Variants in MAPKAP1 observed in about 807,000 individuals in gnomAD.
MAPKAP1 encodes the protein MAPK associated protein 1, also known as target of rapamycin complex 2 subunit MAPKAP1.
MAPKAP1 carries 20 observed loss-of-function variants against 65.7 expected under a neutral mutation model. The observed-to-expected ratio is 0.30, with a 90% confidence interval of 0.21 to 0.44. The LOEUF (loss-of-function observed/expected upper bound fraction) is 0.44, where lower values mean the gene tolerates loss of function less well. MAPKAP1 is among the 20% of genes least tolerant of loss of function. MAPKAP1 has a pLI of 1.00. For synonymous variants in MAPKAP1, 222 were observed against 244.3 expected (o/e 0.91, Z 0.85); for missense variants, 423 against 648.0 (o/e 0.65, Z 3.77).
intron 9 of MAPKAP1, among the ~76,000 whole-genome samples, chr9:125,478,686 G>C (rs979750324): frequency 6.6e-6 from 1 of 152,148 alleles, no homozygotes; most frequent in Non-Finnish European, 1.5e-5. Flanking sequence ...GACAGATTGG[G>C]TCTGGCGTAT....
chr9:125,595,736 G>T lies in MAPKAP1; in HGVS notation c.499-10009C>A. 6.7e-7 allele frequency: 1 copy of T among 1,482,946 alleles called. No individual in the cohort carries two copies. Among genetic ancestry groups the T allele is most frequent in the Non-Finnish European group, 9.2e-7 (1 of 1,081,082 alleles). 91.9% of individuals were successfully genotyped at this position (1,482,946 alleles called of 1,614,324 possible). A position where few individuals can be genotyped will look rare whatever the true frequency, so the allele number is the denominator to read the frequency against. On this transcript the variant is annotated intron_variant, in intron 4 of 11. Transcript: ENST00000265960. This position sits in a 1 kb window ranked among gnomAD's most constrained non-coding sequence, Gnocchi z 4.0. ...TCTCTTCATTGGAGGGTTGAGCTTTGAAACAACCAATGAGAGCAAGAGGAG... is the reference window on the plus strand; with the variant it reads ...TCTCTTCATTGGAGGGTTGAGCTTTTAAACAACCAATGAGAGCAAGAGGAG...
intron 3 of MAPKAP1, among the ~76,000 whole-genome samples, chr9:125,667,493 T>C (rs996325024): frequency 9.2e-5 from 14 of 152,324 alleles, no homozygotes; most frequent in Middle Eastern, 3.4e-3. Flanking sequence ...CTAATTTATA[T>C]TTTTAGTTGA....
intron 1 of MAPKAP1, among the ~76,000 whole-genome samples, chr9:125,706,195 G>C (rs925272502): frequency 1.3e-5 from 2 of 151,920 alleles, no homozygotes; most frequent in African/African-American, 4.8e-5. Flanking sequence ...TGCTCAAGTG[G>C]GTTTTAACAT....
intron 7 of MAPKAP1, among the ~76,000 whole-genome samples, chr9:125,538,085 C>A (rs1206588366): frequency 1.3e-5 from 2 of 152,120 alleles, no homozygotes; most frequent in African/African-American, 2.4e-5. Flanking sequence ...TGTCTCTTAT[C>A]CTCTTTGGGC....
intron 5 of MAPKAP1, among the ~76,000 whole-genome samples, chr9:125,564,018 G>A (rs1481506637): frequency 6.6e-6 from 1 of 152,144 alleles, no homozygotes; most frequent in East Asian, 1.9e-4. Flanking sequence ...ACCAGCAAAG[G>A]GTATTATTAG....
At chr9:125,678,535 C>T (rs1240819122) in intron 1 of MAPKAP1, among the ~76,000 whole-genome samples, 1 of 152,218 alleles carries the variant, frequency 6.6e-6, no homozygotes, top group African/African-American at 2.4e-5. Flanking sequence ...AGCCACCGCG[C>T]CCGGCCCAGG....
Position 125,541,940 on chromosome 9 carries a change from C to A in MAPKAP1, c.958+1119G>T, listed in dbSNP as rs1187151809. On this transcript the variant is annotated intron_variant, in intron 7 of 11. Transcript: ENST00000265960. ...GTCAGCTGGCAAAAGCCGAAACGTG[C>A]AGTTGGCACATCTGGACGGAGCCGC... Among the ~76,000 whole-genome samples the A allele has an allele frequency of 2.6e-5, 4 of 152,370 alleles. No individual in the cohort carries two copies. The East Asian group carries it at 5.8e-4, about 22-fold the overall frequency.
chr9:125,497,110 G>A (rs2133064432), intron 8 of MAPKAP1, among the ~76,000 whole-genome samples: 1 of 152,244 alleles, frequency 6.6e-6, no homozygotes, highest in South Asian at 2.1e-4. Flanking sequence ...CTCTCCTGGG[G>A]CCTCAGGGGG....
At chr9:125,578,018 A>T (rs932984983) in intron 5 of MAPKAP1, among the ~76,000 whole-genome samples, 13 of 152,038 alleles carry the variant, frequency 8.6e-5, no homozygotes, top group African/African-American at 2.7e-4. Context: ...AAGATTGAGA[A>T]ATCGGATGGT....
intron 8 of MAPKAP1, among the ~76,000 whole-genome samples, chr9:125,488,485 C>A (rs149604664): frequency 8.5e-5 from 13 of 152,306 alleles, no homozygotes; most frequent in Admixed American, 5.2e-4. Context: ...CCTGCCTCAG[C>A]CTCCCAGGTA....
At chr9:125,568,656 C>G (rs1831135414) in intron 5 of MAPKAP1, 2 of 152,236 alleles carry the variant, frequency 1.3e-5, no homozygotes, top group Admixed American at 1.3e-4. Context: ...TTAAGCCTTG[C>G]CAGTTTGATA....
chr9:125,580,319 A>G (rs554583947), intron 5 of MAPKAP1, among the ~76,000 whole-genome samples: 2 of 152,328 alleles, frequency 1.3e-5, no homozygotes, highest in Admixed American at 1.3e-4. Flanking sequence ...GGATTAAGAA[A>G]ATGTGGCACA....
intron 9 of MAPKAP1, among the ~76,000 whole-genome samples, chr9:125,473,637 C>T (rs573018086): frequency 2.0e-5 from 3 of 152,288 alleles, no homozygotes; most frequent in African/African-American, 7.2e-5. Flanking sequence ...CTTTAGCTAA[C>T]CAAGATTTCC....
chr9:125,445,632 G>A (rs1292919617), intron 10 of MAPKAP1, among the ~76,000 whole-genome samples: 2 of 152,222 alleles, frequency 1.3e-5, no homozygotes, highest in Admixed American at 6.5e-5. Flanking sequence ...CAGGTCAATC[G>A]GATTCCCTCT....
chr9:125,529,925 T>C (rs1396760604), intron 7 of MAPKAP1, among the ~76,000 whole-genome samples: 2 of 152,262 alleles, frequency 1.3e-5, no homozygotes, highest in African/African-American at 4.8e-5. Context: ...CTTTTCTTTA[T>C]AATGCACTTA....
intron 10 of MAPKAP1, among the ~76,000 whole-genome samples, chr9:125,449,438 G>T (rs956038320): frequency 6.6e-6 from 1 of 152,152 alleles, no homozygotes; most frequent in African/African-American, 2.4e-5. Flanking sequence ...GAGCAGATTT[G>T]CTTTTATAGT....
At chr9:125,504,702 A>G (rs1829087270) in intron 8 of MAPKAP1, among the ~76,000 whole-genome samples, 1 of 152,120 alleles carries the variant, frequency 6.6e-6, no homozygotes, top group Non-Finnish European at 1.5e-5. Context: ...CTGACACATG[A>G]GAATTGCTTG....
chr9:125,607,620 A>T (rs1832476358), intron 4 of MAPKAP1, among the ~76,000 whole-genome samples: 1 of 151,808 alleles, frequency 6.6e-6, no homozygotes, highest in South Asian at 2.1e-4. Flanking sequence ...TGCCTTCCCC[A>T]CTGCAAAGTC....
intron 4 of MAPKAP1, among the ~76,000 whole-genome samples, chr9:125,610,939 G>A (rs542974): frequency 0.5 from 75,271 of 151,952 alleles, 19,259 homozygotes; most frequent in East Asian, 0.67. Flanking sequence ...TCATGAAATA[G>A]GCCCAGAAAG....
Sources: allele counts gnomAD v4.1 joint callset (sites outside exome capture counted in the v4.1 genomes callset), GRCh38; gene constraint gnomAD v4.1.1; non-coding constraint Gnocchi (gnomAD v3.1); transcripts MANE v1.5; gene names NCBI Gene and HGNC (gene_info 2026-07-23, HGNC 2026-07-21).